HS6ST3: variants seen among roughly 807,000 people sequenced by gnomAD.
HS6ST3 encodes heparan sulfate 6-O-sulfotransferase 3, also known as heparan-sulfate 6-O-sulfotransferase 3.
Under a neutral mutation model 36.7 loss-of-function variants are expected in HS6ST3, and 12 were observed. That is an observed-to-expected ratio of 0.33 (90% CI 0.21 to 0.53). HS6ST3 has a LOEUF of 0.53. HS6ST3 is among the 20% of genes least tolerant of loss of function. HS6ST3 has a pLI of 0.95. For synonymous variants in HS6ST3, 240 were observed against 257.5 expected, an observed-to-expected ratio of 0.93 and a Z score of 0.65; for missense variants, 584 against 640.9, an observed-to-expected ratio of 0.91 and a Z score of 0.96.
At chr13:96,231,940 A>G (rs2054510518) in intron 1 of HS6ST3, among the ~76,000 whole-genome samples, 1 of 152,146 alleles carries the variant, frequency 6.6e-6, no homozygotes, top group Non-Finnish European at 1.5e-5. Flanking sequence ...AAAAATGTTA[A>G]TGACACCAGT....
At chr13:96,537,225 A>T (rs1378962211) in intron 1 of HS6ST3, among the ~76,000 whole-genome samples, 9 of 152,210 alleles carry the variant, frequency 5.9e-5, no homozygotes. Flanking sequence ...GAAGAGAAAG[A>T]GGAAACCCCT....
intron 1 of HS6ST3, among the ~76,000 whole-genome samples, chr13:96,724,908 T>C (rs1330868441): frequency 1.3e-5 from 2 of 152,222 alleles, no homozygotes; most frequent in African/African-American, 2.4e-5. Flanking sequence ...CTGGATCATA[T>C]AGTAGGCATA....
intron 1 of HS6ST3, among the ~76,000 whole-genome samples, chr13:96,125,784 TTTA>T (rs1009856648): frequency 3.3e-5 from 5 of 151,676 alleles, no homozygotes; most frequent in Admixed American, 2.0e-4. Context: ...TTTTTATTTT[TTTA>T]TTATTATTAT....
chr13:96,626,549 A>G (rs2056513078), intron 1 of HS6ST3, among the ~76,000 whole-genome samples: 1 of 152,136 alleles, frequency 6.6e-6, no homozygotes, highest in African/African-American at 2.4e-5. Flanking sequence ...TGGTGGGACA[A>G]GTATTCTATT....
intron 1 of HS6ST3, among the ~76,000 whole-genome samples, chr13:96,826,366 G>C (rs1201331674): frequency 6.6e-6 from 1 of 152,144 alleles, no homozygotes; most frequent in African/African-American, 2.4e-5. Context: ...ATTAGACTTA[G>C]TTATTAAAAT....
At chr13:96,535,352 C>T (rs762351479) in intron 1 of HS6ST3, among the ~76,000 whole-genome samples, 87 of 151,900 alleles carry the variant, frequency 5.7e-4, no homozygotes, top group African/African-American at 1.9e-3. Flanking sequence ...GTCAGGAGAT[C>T]GAGACCATCC....
At chr13:96,603,757 T>C (rs1039088956) in intron 1 of HS6ST3, among the ~76,000 whole-genome samples, 5 of 152,178 alleles carry the variant, frequency 3.3e-5, no homozygotes, top group African/African-American at 1.2e-4. Context: ...ACAAGAAATG[T>C]GTTGGCTTAA....
intron 1 of HS6ST3, among the ~76,000 whole-genome samples, chr13:96,398,761 G>C (rs146598756): frequency 2.0e-5 from 3 of 152,154 alleles, no homozygotes. Context: ...GATATAAAAC[G>C]GGAAAGGACA....
At chr13:96,400,685 G>A (rs906904508) in intron 1 of HS6ST3, among the ~76,000 whole-genome samples, 1 of 152,102 alleles carries the variant, frequency 6.6e-6, no homozygotes, top group Non-Finnish European at 1.5e-5. Context: ...GGACTGAAGG[G>A]CTGAAGGAAT....
At chr13:96,680,306 A>G (rs1291689169) in intron 1 of HS6ST3, among the ~76,000 whole-genome samples, 1 of 152,098 alleles carries the variant, frequency 6.6e-6, no homozygotes, top group African/African-American at 2.4e-5. Flanking sequence ...CAACCCAAAA[A>G]GATGTTGTAG....
At chr13:96,353,578 C>T (rs1212732160) in intron 1 of HS6ST3, among the ~76,000 whole-genome samples, 3 of 148,500 alleles carry the variant, frequency 2.0e-5, no homozygotes, top group South Asian at 2.2e-4. Flanking sequence ...TTCAAATAAA[C>T]GGGAAAAGTG....
At chr13:96,541,979 T>C (rs2056180218) in intron 1 of HS6ST3, among the ~76,000 whole-genome samples, 1 of 152,028 alleles carries the variant, frequency 6.6e-6, no homozygotes, top group Non-Finnish European at 1.5e-5. Context: ...TTTCTGGGAG[T>C]TTTGTGTTTG....
intron 1 of HS6ST3, among the ~76,000 whole-genome samples, chr13:96,391,776 G>C (rs1398609039): frequency 6.6e-6 from 1 of 152,094 alleles, no homozygotes; most frequent in Non-Finnish European, 1.5e-5. Flanking sequence ...GAACAGCATG[G>C]GAAAGTCCTG....
At chr13:96,691,275 T>G (rs1874949946) in intron 1 of HS6ST3, among the ~76,000 whole-genome samples, 2 of 152,086 alleles carry the variant, frequency 1.3e-5, no homozygotes, top group Admixed American at 6.6e-5. Flanking sequence ...AGATAAGGGA[T>G]TTAAACTGGG....
At chr13:96,212,846 C>G (rs1025814545) in intron 1 of HS6ST3, among the ~76,000 whole-genome samples, 5 of 152,128 alleles carry the variant, frequency 3.3e-5, no homozygotes, top group African/African-American at 1.2e-4. Flanking sequence ...ATGGCAGACT[C>G]TACATGTTCA....
At chr13:96,565,033 GA>G (rs2056275889) in intron 1 of HS6ST3, among the ~76,000 whole-genome samples, 1 of 152,042 alleles carries the variant, frequency 6.6e-6, no homozygotes, top group Admixed American at 6.6e-5. Flanking sequence ...TTGCATATGT[GA>G]GAGTGAGGAA....
At chr13:96,103,725 T>C (rs2053828272) in intron 1 of HS6ST3, among the ~76,000 whole-genome samples, 1 of 152,200 alleles carries the variant, frequency 6.6e-6, no homozygotes, top group African/African-American at 2.4e-5. Flanking sequence ...AATGAATATG[T>C]AATTCAGCTT....
intron 1 of HS6ST3, among the ~76,000 whole-genome samples, chr13:96,299,376 C>T (rs2054870560): frequency 6.6e-6 from 1 of 152,120 alleles, no homozygotes; most frequent in Non-Finnish European, 1.5e-5. Context: ...ATTTTGCAGA[C>T]AAGGAACTTC....
chr13:96,656,998 TGA>T lies in HS6ST3; in HGVS notation c.708-175467_708-175466del, dbSNP rs1179705458. On this transcript the variant is annotated intron_variant, in intron 1 of 1. Transcript: ENST00000376705. ...GTGTGTGTGTGTGTGTGTGTGTGTG[TGA>T]GAGAGAGAGAGAGAGAGAGAGAGAA... Among the ~76,000 whole-genome samples, 595 of 98,312 alleles carry T rather than the reference TGA, an allele frequency of 6.1e-3. 3 individuals carry two copies. Among genetic ancestry groups the T allele is most frequent in the African/African-American group, 7.5e-3 (174 of 23,278 alleles). The allele number at this position is 98,312 out of a possible 152,430, so 64.5% of individuals were successfully genotyped here. A position where few individuals can be genotyped will look rare whatever the true frequency, so the allele number is the denominator to read the frequency against.
Sources: gnomAD v4.1 joint callset for allele counts (sites outside exome capture counted in the v4.1 genomes callset) on GRCh38, gnomAD v4.1.1 for gene constraint, MANE v1.5 for transcripts, NCBI Gene and HGNC (gene_info 2026-07-23, HGNC 2026-07-21) for gene names.